Variants in ACOX2 observed in about 807,000 individuals in gnomAD.
The protein encoded by ACOX2 is acyl-CoA oxidase 2.
Under a neutral mutation model 77.5 loss-of-function variants are expected in ACOX2, and 59 were observed. That is an observed-to-expected ratio of 0.76 (90% CI 0.62 to 0.95). ACOX2 has a LOEUF of 0.95. ACOX2 is among the 40% of genes least tolerant of loss of function. The pLI is 0.00. For synonymous variants in ACOX2, 317 were observed against 340.1 expected (o/e 0.93, Z 0.75); for missense variants, 837 against 880.4 (o/e 0.95, Z 0.62).
At chr3:58,509,967 A>G (rs916397977) in intron 13 of ACOX2, among the ~76,000 whole-genome samples, 1 of 152,064 alleles carries the variant, frequency 6.6e-6, no homozygotes, top group South Asian at 2.1e-4. Flanking sequence ...TATCTTGTTT[A>G]TATTGCTGCT....
intron 8 of ACOX2, among the ~76,000 whole-genome samples, chr3:58,529,804 C>T (rs2063423251): frequency 1.3e-5 from 2 of 152,248 alleles, no homozygotes; most frequent in South Asian, 4.1e-4. Context: ...AAGGCCACTT[C>T]TGCCACACCC....
In ACOX2 at chr3:58,509,012, G is replaced by A. The variant is rs777345885; in HGVS notation, c.1864C>T (p.Leu622=). Residue 622 remains leucine (L), a synonymous_variant, in exon 14 of 15, where the codon CTG becomes TTG. Coordinates refer to ENST00000302819, the MANE Select transcript of ACOX2 (RefSeq NM_003500.4). ...GTGAAGTCAAAAGCATCAGTTAACA[G>A]GATGGCATCCTTCCTGGGATAGGAA... is the stretch of plus-strand genomic sequence containing the variant. The part of the protein sequence containing the change: ...LLRLIRKDAI[L]LTDAFDFTDQ... 1 of 1,614,118 alleles carries A rather than the reference G, an allele frequency of 6.2e-7. No individual in the cohort carries two copies. The highest frequency in any genetic ancestry group is 8.5e-7 in the Non-Finnish European group (1 of 1,179,994).
rs527902021 is a variant in ACOX2, at chr3:58,533,231, T to C, written c.583+214A>G. On this transcript the variant is annotated intron_variant, in intron 5 of 14. Transcript: ENST00000302819. This position sits in a 1 kb window ranked among gnomAD's most constrained non-coding sequence, Gnocchi z 5.6. ...TCTACTTCAAAGTTCCTTTGGGGAC[T>C]TTCCAGCCACTCACTAATGAAATGT... Among the ~76,000 whole-genome samples, 8 of 152,256 alleles carry C rather than the reference T, an allele frequency of 5.3e-5. No homozygotes were observed. The highest frequency in any genetic ancestry group is 1.9e-4 in the African/African-American group (8 of 41,540).
chr3:58,511,206 T>G (rs1172182826), intron 13 of ACOX2: 1 of 316,124 alleles, frequency 3.2e-6, no homozygotes, highest in Middle Eastern at 4.0e-4. Flanking sequence ...AGAACAACAT[T>G]CTCCTGCCTT....
chr3:58,531,345 C>A lies in ACOX2; in HGVS notation c.725G>T (p.Gly242Val). The change falls in exon 7 of 15, where the codon GGA (glycine) becomes GTA (valine). Residue 242 changes from glycine to valine, a missense_variant. Gly to Val is a moderately radical substitution (Grantham distance 109). Transcript: ENST00000302819. This position sits in a 1 kb window ranked among gnomAD's most constrained non-coding sequence, Gnocchi z 5.8. ...TGTTTGATCAAAGTCCATCTTGGGT[C>A]CGATGTCCCCAATGATGATTCCTTG... Reference protein sequence around the residue: ...PLPGIIIGDIGPKMDFDQTDN... With the variant: ...PLPGIIIGDIVPKMDFDQTDN... 6.2e-7 allele frequency: 1 copy of A among 1,614,030 alleles called. No homozygotes were observed. Among genetic ancestry groups the A allele is most frequent in the Non-Finnish European group, 8.5e-7 (1 of 1,179,986 alleles).
At position 58,528,829 on chromosome 3, in the gene ACOX2, C is replaced by T; in HGVS notation, c.1120G>A (p.Ala374Thr). Residue 374 changes from alanine (A) to threonine (T), a missense_variant, in exon 9 of 15, where the codon GCC becomes ACC. Transcript: ENST00000302819. The surrounding 1 kb of genome is among the most constrained non-coding windows in gnomAD (Gnocchi z 5.6). ...AAGCTGAAGTCTTGGTTCAGAATGG[C>T]AGTGTAGGAGTGCTGGAAGAACTCC... is the stretch of plus-strand genomic sequence containing the variant. Reference protein sequence around the residue: ...LLEFFQHSYTAILNQDFSFLP... With the variant: ...LLEFFQHSYTTILNQDFSFLP... 1.2e-6 allele frequency: 2 copies of T among 1,612,006 alleles called. No homozygotes were observed. The highest frequency in any genetic ancestry group is 1.3e-5 in the African/African-American group (1 of 74,994).
chr3:58,528,938 G>A lies in ACOX2; in HGVS notation c.1011C>T (p.Val337=). ...RLRPSDPEAK[V]LDYQTQQQKL... is the part of the protein sequence containing the mutation. ...TCTGCTGTTGTGTCTGGTAGTCCAG[G>A]ACCTTTGCCTCTGGGTCACTGAAGG... is the stretch of plus-strand genomic sequence containing the variant. Residue 337 remains valine, a synonymous_variant, in exon 9 of 15, where the codon GTC becomes GTT. Transcript: ENST00000302819. The surrounding 1 kb of genome is among the most constrained non-coding windows in gnomAD (Gnocchi z 5.6). 2 of 1,611,584 alleles carry A rather than the reference G, an allele frequency of 1.2e-6. No individual in the cohort carries two copies. The highest frequency in any genetic ancestry group is 1.7e-6 in the Non-Finnish European group (2 of 1,178,810).
At chr3:58,520,568 C>G (rs1430453216) in intron 12 of ACOX2, among the ~76,000 whole-genome samples, 2 of 152,390 alleles carry the variant, frequency 1.3e-5, no homozygotes, top group Non-Finnish European at 2.9e-5. Flanking sequence ...GTGGCTCCCC[C>G]TTGTCTACTC....
rs201183103 is a variant in ACOX2, at chr3:58,510,715, C to T, written c.1851-1690G>A. 3.2e-3 allele frequency among the ~76,000 whole-genome samples: 16 copies of T among 5,032 alleles called. No homozygotes were observed. In the South Asian group the frequency reaches 0.057, roughly 18 times the overall value. The allele number at this position is 5,032 out of a possible 152,430, so 3.3% of individuals were successfully genotyped here. A position where few individuals can be genotyped will look rare whatever the true frequency, so the allele number is the denominator to read the frequency against. On this transcript the variant is annotated intron_variant, in intron 13 of 14. Transcript: ENST00000302819. Reference sequence around the variant, plus strand: ...ATATATATATATATATATATACACACACACACACACACACACACACACACA... The same window carrying T: ...ATATATATATATATATATATACACATACACACACACACACACACACACACA...
At chr3:58,536,509 A>G (rs1053333662) in intron 1 of ACOX2, among the ~76,000 whole-genome samples, 3 of 152,146 alleles carry the variant, frequency 2.0e-5, no homozygotes, top group Admixed American at 2.0e-4. Flanking sequence ...CAATACCCCC[A>G]GCAGGGCTGT....
At chr3:58,532,026 C>T (rs2063444165) in intron 5 of ACOX2, among the ~76,000 whole-genome samples, 1 of 151,582 alleles carries the variant, frequency 6.6e-6, no homozygotes, top group Admixed American at 6.6e-5. Flanking sequence ...TTTTTTGCCC[C>T]CCCCAACTAT....
rs2063441021 is a variant in ACOX2, at chr3:58,531,701, G to A, written c.695C>T (p.Pro232Leu). The change falls in exon 6 of 15, where the codon CCA (proline) becomes CTA (leucine). Residue 232 changes from proline to leucine, a missense_variant. Transcript: ENST00000302819. The surrounding 1 kb of genome is among the most constrained non-coding windows in gnomAD (Gnocchi z 5.8). ...VPIRSLQDHT[P>L]LPGIIIGDIG... The stretch of plus-strand genomic sequence containing the variant: ...GAGCATTATGGGCTTACCTGGCAGT[G>A]GGGTGTGGTCCTGAAGACTCCGGAT... 1.2e-6 allele frequency: 2 copies of A among 1,613,924 alleles called. No individual in the cohort carries two copies. Among genetic ancestry groups the A allele is most frequent in the African/African-American group, 1.3e-5 (1 of 74,940 alleles).
In ACOX2 at chr3:58,505,450, A is replaced by AT. The variant is rs569337649; in HGVS notation, c.1984-165dup. Among the ~76,000 whole-genome samples the AT allele has an allele frequency of 4.1e-4, 63 of 152,292 alleles. No homozygotes were observed. The highest frequency in any genetic ancestry group is 8.2e-4 in the Non-Finnish European group (56 of 68,018). On this transcript the variant is annotated intron_variant, in intron 14 of 14. Transcript: ENST00000302819. The surrounding 1 kb of genome is among the most constrained non-coding windows in gnomAD (Gnocchi z 4.4). ...ATTTTGTGTGAACATATGGAGAAAC[A>AT]TTTTTTCCAAAGGGCATCCTTCCTT...
Position 58,528,924 on chromosome 3 carries a change from G to A in ACOX2, c.1025C>T (p.Thr342Ile). Residue 342 changes from threonine (T) to isoleucine (I), a missense_variant, in exon 9 of 15, where the codon ACA becomes ATA. Physicochemically the swap from Thr to Ile is moderately conservative, Grantham distance 89. Transcript: ENST00000302819. This position sits in a 1 kb window ranked among gnomAD's most constrained non-coding sequence, Gnocchi z 5.6. The stretch of plus-strand genomic sequence containing the variant: ...CTGAGGAAAGAGTTTCTGCTGTTGT[G>A]TCTGGTAGTCCAGGACCTTTGCCTC... ...DPEAKVLDYQ[T>I]QQQKLFPQLA... 1.2e-6 allele frequency: 2 copies of A among 1,613,460 alleles called. No individual in the cohort carries two copies. Among genetic ancestry groups the A allele is most frequent in the Non-Finnish European group, 8.5e-7 (1 of 1,179,690 alleles).
rs2063357194 is a variant in ACOX2 at position 58,521,350 on chromosome 3, G to C, written c.1632+1146C>G. 6.6e-6 allele frequency among the ~76,000 whole-genome samples: 1 copy of C among 152,218 alleles called. No homozygotes were observed. Among genetic ancestry groups the C allele is most frequent in the African/African-American group, 2.4e-5 (1 of 41,452 alleles). On this transcript the variant is annotated intron_variant, in intron 12 of 14. Coordinates refer to ENST00000302819, the MANE Select transcript of ACOX2 (RefSeq NM_003500.4). The surrounding 1 kb of genome is among the most constrained non-coding windows in gnomAD (Gnocchi z 4.8). ...CAAGGCTGCCATTTTCTGGGTCTGA[G>C]GCCTGAGGATTGGCGTGATCACTTT... is the stretch of plus-strand genomic sequence containing the variant.
rs1298623408 is a variant in ACOX2 at position 58,535,249 on chromosome 3, TAGA to T, written c.-91-55_-91-53del. Reference sequence around the variant, plus strand: ...CTGGGTGTCAGCCAGGGCTGGTTGGTAGAAGAAAGACATCCCTAAGTACCTGAA... The same window carrying T: ...CTGGGTGTCAGCCAGGGCTGGTTGGTAGAAAGACATCCCTAAGTACCTGAA... On this transcript the variant is annotated intron_variant, in intron 1 of 14. Transcript: ENST00000302819. The surrounding 1 kb of genome is among the most constrained non-coding windows in gnomAD (Gnocchi z 4.8). 1 of 1,023,980 alleles carries T rather than the reference TAGA, an allele frequency of 9.8e-7. No individual in the cohort carries two copies. The highest frequency in any genetic ancestry group is 1.5e-6 in the Non-Finnish European group (1 of 685,484). 63.4% of individuals were successfully genotyped at this position (1,023,980 alleles called of 1,614,324 possible). A position where few individuals can be genotyped will look rare whatever the true frequency, so the allele number is the denominator to read the frequency against.
chr3:58,520,954 G>A (rs1164541916), intron 12 of ACOX2, among the ~76,000 whole-genome samples: 2 of 152,180 alleles, frequency 1.3e-5, no homozygotes, highest in African/African-American at 4.8e-5. Context: ...CCCTTGAAGT[G>A]GAAATAATGT....
In ACOX2 at chr3:58,530,652, G is replaced by A. The variant is rs1340915449; in HGVS notation, c.820-14C>T. On this transcript the variant is annotated splice_polypyrimidine_tract_variant and intron_variant, in intron 7 of 14. Transcript: ENST00000302819. ...ATCTGGCAAGACCTGTGTGGAACAA[G>A]GACGGGCACAAGTTCTGGGCCAAGG... 6.2e-7 allele frequency: 1 copy of A among 1,611,728 alleles called. No homozygotes were observed. The highest frequency in any genetic ancestry group is 8.5e-7 in the Non-Finnish European group (1 of 1,178,436).
chr3:58,505,207 G>A lies in ACOX2; in HGVS notation c.*17C>T. 1 of 1,607,808 alleles carries A rather than the reference G, an allele frequency of 6.2e-7. No homozygotes were observed. The highest frequency in any genetic ancestry group is 8.5e-7 in the Non-Finnish European group (1 of 1,176,124). On this transcript the variant is annotated 3_prime_UTR_variant, in exon 15 of 15. Transcript: ENST00000302819. This position sits in a 1 kb window ranked among gnomAD's most constrained non-coding sequence, Gnocchi z 4.4. ...CACATGATGGTGCTGGTTGCTTCTTGAATACTGTTGGTTATTTCATAGCTT... is the reference window on the plus strand; with the variant it reads ...CACATGATGGTGCTGGTTGCTTCTTAAATACTGTTGGTTATTTCATAGCTT...
Sources: allele counts gnomAD v4.1 joint callset (sites outside exome capture counted in the v4.1 genomes callset), GRCh38; gene constraint gnomAD v4.1.1; non-coding constraint Gnocchi (gnomAD v3.1); transcripts MANE v1.5; gene names NCBI Gene and HGNC (gene_info 2026-07-23, HGNC 2026-07-21).